The following HEATR5A variants were observed in gnomAD, a reference collection of about 807,000 sequenced individuals.
HEATR5A encodes the protein HEAT repeat-containing protein 5A.
HEATR5A carries 178 observed loss-of-function variants against 218.8 expected under a neutral mutation model. The ratio of observed to expected loss-of-function variants is 0.81; its 90% confidence interval spans 0.72 to 0.92. The LOEUF is 0.92. Ranked by LOEUF, HEATR5A falls within the 40% of genes least tolerant of loss-of-function variation. HEATR5A has a pLI of 0.00. For missense variants in HEATR5A, 2,420 were observed against 2,418.9 expected (o/e 1.00, Z -0.01); for synonymous variants, 864 against 871.6 (o/e 0.99, Z 0.15).
At chr14:31,295,836 A>C (rs1899172275) in intron 34 of HEATR5A, 73 bp downstream of exon 34, 1 of 1,277,488 alleles carries the variant, frequency 7.8e-7, no homozygotes, top group Admixed American at 2.2e-5. Flanking sequence ...GAGCCAACAA[A>C]ATCACACAGA....
At chr14:31,398,457 T>A (rs1321732132) in intron 4 of HEATR5A, among the ~76,000 whole-genome samples, 4 of 152,236 alleles carry the variant, frequency 2.6e-5, no homozygotes, top group Non-Finnish European at 5.9e-5. Flanking sequence ...TGGATTTATA[T>A]GAATACATGA....
At chr14:31,322,256 T>G (rs1310378872) in intron 24 of HEATR5A, among the ~76,000 whole-genome samples, 1 of 152,172 alleles carries the variant, frequency 6.6e-6, no homozygotes, top group East Asian at 1.9e-4. Context: ...TGTGGAGAGA[T>G]ATAAGAAAAT....
Position 31,360,865 on chromosome 14 carries a change from TC to T in HEATR5A, c.2072-1809del, listed in dbSNP as rs1901594421. Among the ~76,000 whole-genome samples the T allele has an allele frequency of 2.6e-5, 4 of 152,052 alleles. No individual in the cohort carries two copies. In the South Asian group the frequency reaches 8.3e-4, roughly 32 times the overall value. On this transcript the variant is annotated intron_variant, in intron 14 of 35. Transcript: ENST00000543095. ...TTTTTTTTTTTTAAGAGATGAGGTC[TC>T]ACAATATTGTCCAGGCTAATCTCTA...
At chr14:31,356,239 TTATAAA>T (rs1901422606) in intron 16 of HEATR5A, among the ~76,000 whole-genome samples, 1 of 152,158 alleles carries the variant, frequency 6.6e-6, no homozygotes, top group Non-Finnish European at 1.5e-5. Context: ...GGCCACTTCT[TTATAAA>T]TATATTTTTG....
intron 21 of HEATR5A, among the ~76,000 whole-genome samples, chr14:31,342,701 A>G (rs1900878222): frequency 6.6e-6 from 1 of 152,220 alleles, no homozygotes; most frequent in Non-Finnish European, 1.5e-5. Context: ...CTGAAGGAGG[A>G]GTCCAGAAAC....
intron 7 of HEATR5A, among the ~76,000 whole-genome samples, chr14:31,387,638 C>A (rs1015852620): frequency 6.6e-6 from 1 of 151,682 alleles, no homozygotes; most frequent in Non-Finnish European, 1.5e-5. Context: ...CAGCTCACTG[C>A]AAGCTCCGCC....
At chr14:31,374,193 C>G (rs994687120) in intron 12 of HEATR5A, among the ~76,000 whole-genome samples, 1 of 151,096 alleles carries the variant, frequency 6.6e-6, no homozygotes, top group East Asian at 2.0e-4. Context: ...GTGGTCTCAG[C>G]TACTTGGGAG....
chr14:31,329,782 G>A (rs759553223), intron 22 of HEATR5A, among the ~76,000 whole-genome samples: 3 of 152,034 alleles, frequency 2.0e-5, no homozygotes, highest in Admixed American at 1.3e-4. Flanking sequence ...GCATGGTCTC[G>A]GCTCACCGCA....
At chr14:31,382,659 C>T (rs1169014955) in intron 10 of HEATR5A, among the ~76,000 whole-genome samples, 1 of 151,548 alleles carries the variant, frequency 6.6e-6, no homozygotes, top group Non-Finnish European at 1.5e-5. Flanking sequence ...TATTTATTCA[C>T]TAGGTTTGTG....
At chr14:31,340,939 G>A (rs1342757451) in intron 21 of HEATR5A, among the ~76,000 whole-genome samples, 1 of 152,204 alleles carries the variant, frequency 6.6e-6, no homozygotes, top group African/African-American at 2.4e-5. Context: ...AATTGCTAGT[G>A]TAGCTAAGGC....
chr14:31,370,838 T>C (rs1229990600), intron 13 of HEATR5A, among the ~76,000 whole-genome samples: 2 of 152,220 alleles, frequency 1.3e-5, no homozygotes, highest in Non-Finnish European at 2.9e-5. Context: ...AATTTTTGCC[T>C]GATCAAAACC....
At chr14:31,324,854 T>C (rs1296883425) in intron 23 of HEATR5A, among the ~76,000 whole-genome samples, 2 of 152,124 alleles carry the variant, frequency 1.3e-5, no homozygotes, top group Admixed American at 1.3e-4. Flanking sequence ...TAAAGCGTAA[T>C]AGTTGAAACA....
chr14:31,374,499 T>C (rs1902155432), intron 12 of HEATR5A, among the ~76,000 whole-genome samples: 1 of 152,140 alleles, frequency 6.6e-6, no homozygotes, highest in African/African-American at 2.4e-5. Flanking sequence ...CGATTCTTAA[T>C]GGTAATTAAA....
intron 3 of HEATR5A, among the ~76,000 whole-genome samples, chr14:31,399,485 G>A (rs2030788503): frequency 6.6e-6 from 1 of 152,154 alleles, no homozygotes; most frequent in Non-Finnish European, 1.5e-5. Flanking sequence ...CTTTATGGGG[G>A]AATACATTCT....
intron 16 of HEATR5A, among the ~76,000 whole-genome samples, chr14:31,356,300 G>A (rs2139227046): frequency 6.6e-6 from 1 of 152,228 alleles, no homozygotes; most frequent in East Asian, 1.9e-4. Context: ...GCAGTGGCGA[G>A]ATCTTGGCTC....
At chr14:31,383,489 T>C (rs1020984140) in intron 10 of HEATR5A, 32 bp downstream of exon 10, 13 of 1,573,018 alleles carry the variant, frequency 8.3e-6, no homozygotes, top group Non-Finnish European at 1.0e-5. Flanking sequence ...AAAAAGCACC[T>C]CATTATCATA....
chr14:31,374,170 G>A (rs1047239194), intron 12 of HEATR5A, among the ~76,000 whole-genome samples: 4 of 152,074 alleles, frequency 2.6e-5, no homozygotes, highest in South Asian at 4.2e-4. Flanking sequence ...GCTGGGCATG[G>A]TGGCATGCAC....
intron 1 of HEATR5A, among the ~76,000 whole-genome samples, chr14:31,417,517 G>A (rs1280699614): frequency 1.3e-5 from 2 of 151,948 alleles, no homozygotes; most frequent in Admixed American, 1.3e-4. Flanking sequence ...CCCGGGAGGC[G>A]GAGCTTGCAG....
intron 1 of HEATR5A, among the ~76,000 whole-genome samples, chr14:31,407,697 C>T (rs1190735449): frequency 1.7e-5 from 2 of 117,690 alleles, no homozygotes; most frequent in African/African-American, 3.2e-5. Flanking sequence ...GGTGCGATCT[C>T]GGCTCACTGC....
Sources: gnomAD v4.1 joint callset for allele counts (sites outside exome capture counted in the v4.1 genomes callset) on GRCh38, gnomAD v4.1.1 for gene constraint, MANE v1.5 for transcripts, NCBI Gene and HGNC (gene_info 2026-07-23, HGNC 2026-07-21) for gene names.